CDH22: variants seen among roughly 807,000 people sequenced by gnomAD.
CDH22 encodes cadherin 22.
A neutral mutation model predicts 58.4 loss-of-function variants in CDH22; 30 were observed. The observed-to-expected ratio is 0.51, with a 90% CI of 0.38 to 0.70. The LOEUF is 0.70. Ranked by LOEUF, CDH22 falls within the 30% of genes least tolerant of loss-of-function variation. The probability of loss-of-function intolerance (pLI) is 0.00; values close to 1 mark genes in which losing one functional copy is unlikely to be tolerated. For synonymous variants in CDH22, 513 were observed against 558.2 expected (o/e 0.92, Z 1.14); for missense variants, 1,014 against 1,233.9 (o/e 0.82, Z 2.67).
intron 1 of CDH22, among the ~76,000 whole-genome samples, chr20:46,293,147 G>GA (rs2086612271): frequency 6.6e-6 from 1 of 152,128 alleles, no homozygotes; most frequent in African/African-American, 2.4e-5. Flanking sequence ...AGAATCCAGG[G>GA]AAGGAGGCCA....
intron 1 of CDH22, among the ~76,000 whole-genome samples, chr20:46,285,502 C>T (rs1425554178): frequency 6.6e-6 from 1 of 152,170 alleles, no homozygotes; most frequent in Non-Finnish European, 1.5e-5. Flanking sequence ...AGGAATGTTG[C>T]TAAACATTCC....
Position 46,239,891 on chromosome 20 carries a change from A to G in CDH22, c.550+1072T>C, listed in dbSNP as rs144187725. Among the ~76,000 whole-genome samples, 174 of 152,338 alleles carry G rather than the reference A, an allele frequency of 1.1e-3. 2 individuals are homozygous for G. The highest frequency in any genetic ancestry group is 4.1e-3 in the African/African-American group (170 of 41,570). Reference sequence around the variant, plus strand: ...GGAGAAGGCAGAGTCATGCAGCTTTAGCCTCAGTGTCCTGCTGCTGTGTGC... The same window carrying G: ...GGAGAAGGCAGAGTCATGCAGCTTTGGCCTCAGTGTCCTGCTGCTGTGTGC... On this transcript the variant is annotated intron_variant, in intron 3 of 11. Coordinates refer to ENST00000537909, the MANE Select transcript of CDH22 (RefSeq NM_021248.3).
intron 2 of CDH22, among the ~76,000 whole-genome samples, chr20:46,250,151 A>G (rs1281133124): frequency 6.6e-6 from 1 of 152,228 alleles, no homozygotes; most frequent in Non-Finnish European, 1.5e-5. Flanking sequence ...TGCCTATGTT[A>G]TAGATCTTCA....
intron 4 of CDH22, among the ~76,000 whole-genome samples, chr20:46,226,913 A>C (rs943776062): frequency 6.6e-6 from 1 of 152,110 alleles, no homozygotes; most frequent in South Asian, 2.1e-4. Context: ...GTCAGGTTCT[A>C]ATGTCACCGT....
At chr20:46,217,101 G>T in intron 4 of CDH22, 108 bp from the exon 5 acceptor site, 1 of 1,117,640 alleles carries the variant, frequency 8.9e-7, no homozygotes, top group Non-Finnish European at 1.3e-6. Flanking sequence ...GGAAAATTAA[G>T]CTCAGGAGGA....
intron 10 of CDH22, among the ~76,000 whole-genome samples, chr20:46,180,785 G>A (rs1002316710): frequency 6.6e-6 from 1 of 151,996 alleles, no homozygotes; most frequent in Non-Finnish European, 1.5e-5. Context: ...CCAGGCTGGA[G>A]TGCAGTGGTG....
intron 2 of CDH22, among the ~76,000 whole-genome samples, chr20:46,247,354 A>AC (rs3091865): frequency 0.39 from 59,574 of 151,870 alleles, 11,902 homozygotes; most frequent in Middle Eastern, 0.61. Context: ...GAGGGTAAAA[A>AC]AGTTGGCCCT....
intron 8 of CDH22, among the ~76,000 whole-genome samples, chr20:46,198,866 AAT>A (rs1384624071): frequency 6.6e-6 from 1 of 151,704 alleles, no homozygotes; most frequent in African/African-American, 2.4e-5. Flanking sequence ...TCTTTGTTGA[AAT>A]GTCTTTTCCT....
At chr20:46,229,405 C>A (rs1294389711) in intron 3 of CDH22, among the ~76,000 whole-genome samples, 1 of 151,852 alleles carries the variant, frequency 6.6e-6, no homozygotes, top group Non-Finnish European at 1.5e-5. Context: ...GATGCCAAGT[C>A]CCTTCTGGGA....
chr20:46,207,278 A>G (rs1442666897), intron 7 of CDH22, among the ~76,000 whole-genome samples: 1 of 152,210 alleles, frequency 6.6e-6, no homozygotes. Context: ...AGGGAGCCAA[A>G]GCGGGGAGGA....
At position 46,206,089 on chromosome 20, in the gene CDH22, C is replaced by T. The variant is rs138361462; in HGVS notation, c.1286+4218G>A. Among the ~76,000 whole-genome samples, 1,243 of 152,320 alleles carry T rather than the reference C, an allele frequency of 8.2e-3. 6 individuals carry two copies. Among genetic ancestry groups the T allele is most frequent in the Non-Finnish European group, 0.012 (829 of 68,026 alleles). ...GGACCTGTCACTGGATTCGTTCACA[C>T]GGGCCAAGCTTTCCCACTGGCCCAT... On this transcript the variant is annotated intron_variant, in intron 7 of 11. Transcript: ENST00000537909.
At chr20:46,280,515 CAG>C (rs1308033390) in intron 1 of CDH22, among the ~76,000 whole-genome samples, 1 of 152,188 alleles carries the variant, frequency 6.6e-6, no homozygotes, top group African/African-American at 2.4e-5. Flanking sequence ...AGCACCTTCT[CAG>C]GGGGGCTGGC....
chr20:46,260,683 C>T (rs1157364057), intron 1 of CDH22, among the ~76,000 whole-genome samples: 2 of 152,312 alleles, frequency 1.3e-5, no homozygotes, highest in South Asian at 2.1e-4. Flanking sequence ...CTTGCACTTC[C>T]GGAGTCTGGC....
chr20:46,269,614 C>A (rs1384425665), intron 1 of CDH22, among the ~76,000 whole-genome samples: 1 of 152,220 alleles, frequency 6.6e-6, no homozygotes, highest in Non-Finnish European at 1.5e-5. Flanking sequence ...TGCTCCGAAC[C>A]AGGGGCTCCC....
At chr20:46,189,554 CT>C (rs1395444902) in intron 8 of CDH22, among the ~76,000 whole-genome samples, 3 of 152,158 alleles carry the variant, frequency 2.0e-5, no homozygotes, top group Non-Finnish European at 4.4e-5. Context: ...GCAGGATGGA[CT>C]GCTGAGTGAG....
At chr20:46,205,372 T>C (rs1243833102) in intron 7 of CDH22, among the ~76,000 whole-genome samples, 1 of 152,110 alleles carries the variant, frequency 6.6e-6, no homozygotes, top group Non-Finnish European at 1.5e-5. Context: ...ATGAGGCACA[T>C]ACTATTATGA....
rs1485399352 is a variant in CDH22 at position 46,210,340 on chromosome 20, G to A, written c.1253C>T (p.Ala418Val). The A allele has an allele frequency of 2.7e-6, 4 of 1,462,512 alleles. No individual in the cohort carries two copies. Among genetic ancestry groups the A allele is most frequent in the African/African-American group, 3.0e-5 (2 of 67,656 alleles). 90.6% of individuals were successfully genotyped at this position (1,462,512 alleles called of 1,614,324 possible). ...QVGSLVGVVT[A>V]RDPDAANRPV... is the part of the protein sequence containing the mutation. ...CCGGTTGGCGGCGTCGGGGTCCCGC[G>A]CCGTCACCACGCCGACCAGGGAGCC... The change falls in exon 7 of 12, where the codon GCG becomes GTG. Residue 418 changes from alanine (A) to valine (V), a missense_variant. Coordinates refer to ENST00000537909, the MANE Select transcript of CDH22 (RefSeq NM_021248.3). The surrounding 1 kb of genome is among the most constrained non-coding windows in gnomAD (Gnocchi z 4.5).
At chr20:46,183,240 TC>T (rs1225269936) in intron 10 of CDH22, among the ~76,000 whole-genome samples, 1 of 151,994 alleles carries the variant, frequency 6.6e-6, no homozygotes. Flanking sequence ...CCCCCAAATC[TC>T]TCCCTGCTGC....
At chr20:46,205,664 T>TA (rs1408824574) in intron 7 of CDH22, among the ~76,000 whole-genome samples, 8 of 152,198 alleles carry the variant, frequency 5.3e-5, no homozygotes, top group Non-Finnish European at 1.0e-4. Context: ...CAAACCTGCC[T>TA]AACTGAGAGG....
Sources: allele counts gnomAD v4.1 joint callset (sites outside exome capture counted in the v4.1 genomes callset), GRCh38; gene constraint gnomAD v4.1.1; non-coding constraint Gnocchi (gnomAD v3.1); transcripts MANE v1.5; gene names NCBI Gene and HGNC (gene_info 2026-07-23, HGNC 2026-07-21).